SGCZ: variants seen among roughly 807,000 people sequenced by gnomAD.
The protein encoded by SGCZ is sarcoglycan zeta, also known as zeta-sarcoglycan.
Under a neutral mutation model 41.3 loss-of-function variants are expected in SGCZ, and 40 were observed. The observed-to-expected ratio is 0.97, with a 90% CI of 0.75 to 1.26. The LOEUF (loss-of-function observed/expected upper bound fraction) is 1.26. Among genes scored for constraint, SGCZ ranks in the 50% most tolerant of loss-of-function variants. The pLI is 0.00. For missense variants in SGCZ, 552 were observed against 369.8 expected (o/e 1.49, Z -4.04); for synonymous variants, 206 against 137.5 (o/e 1.50, Z -3.49).
chr8:14,168,389 T>C (rs1585196453), intron 4 of SGCZ, among the ~76,000 whole-genome samples: 1 of 152,112 alleles, frequency 6.6e-6, no homozygotes, highest in Admixed American at 6.6e-5. Context: ...TCATATTGAA[T>C]TGTAGCTCCC....
rs1806702442 is a variant in SGCZ at position 15,103,677 on chromosome 8, G to A, written c.39+133908C>T. On this transcript the variant is annotated intron_variant, in intron 1 of 7. Transcript: ENST00000382080. The stretch of plus-strand genomic sequence containing the variant: ...CATACTCAACAGAGTTGAAATTAAG[G>A]AAGAAGAATCACAAACAGGATCAAA... Among the ~76,000 whole-genome samples the A allele has an allele frequency of 2.0e-5, 3 of 152,006 alleles. No homozygotes were observed. The South Asian group carries it at 6.2e-4, about 32-fold the overall frequency.
intron 1 of SGCZ, among the ~76,000 whole-genome samples, chr8:15,194,025 T>C (rs541063641): frequency 6.6e-6 from 1 of 152,178 alleles, no homozygotes; most frequent in African/African-American, 2.4e-5. Flanking sequence ...AGAGTATATG[T>C]TTTCTGAGTT....
intron 1 of SGCZ, among the ~76,000 whole-genome samples, chr8:14,973,794 T>C (rs1801378055): frequency 6.6e-6 from 1 of 152,224 alleles, no homozygotes; most frequent in Admixed American, 6.5e-5. Flanking sequence ...TTTATTTGCC[T>C]GTGAATTCTG....
At chr8:14,821,736 G>A (rs1271602478) in intron 1 of SGCZ, among the ~76,000 whole-genome samples, 1 of 151,734 alleles carries the variant, frequency 6.6e-6, no homozygotes, top group African/African-American at 2.4e-5. Flanking sequence ...TTTAATAGAG[G>A]CAGAAAAAGC....
chr8:14,198,643 G>C (rs1224554813), intron 4 of SGCZ, among the ~76,000 whole-genome samples: 1 of 152,108 alleles, frequency 6.6e-6, no homozygotes, highest in Non-Finnish European at 1.5e-5. Context: ...AAATCTTAGT[G>C]AACCTAGTTG....
chr8:15,068,847 C>G (rs1386337495), intron 1 of SGCZ, among the ~76,000 whole-genome samples: 1 of 152,136 alleles, frequency 6.6e-6, no homozygotes, highest in African/African-American at 2.4e-5. Flanking sequence ...ACCACAGAGT[C>G]TAAATATTTG....
chr8:14,461,935 A>C (rs1193018900), intron 2 of SGCZ, among the ~76,000 whole-genome samples: 1 of 152,070 alleles, frequency 6.6e-6, no homozygotes, highest in Non-Finnish European at 1.5e-5. Flanking sequence ...GTTGTTATAT[A>C]ATGCTTCCAC....
chr8:14,165,217 T>C (rs1804171908), intron 4 of SGCZ: 1 of 152,276 alleles, frequency 6.6e-6, no homozygotes, highest in African/African-American at 2.4e-5. Context: ...TTCTACCCTT[T>C]AATATAAGTG....
intron 1 of SGCZ, among the ~76,000 whole-genome samples, chr8:15,224,643 C>T (rs983090243): frequency 6.6e-6 from 1 of 152,018 alleles, no homozygotes; most frequent in African/African-American, 2.4e-5. Context: ...AAAGCATTAT[C>T]CAAACGGATT....
intron 2 of SGCZ, among the ~76,000 whole-genome samples, chr8:14,516,722 C>T (rs554384277): frequency 2.0e-5 from 3 of 152,098 alleles, no homozygotes; most frequent in South Asian, 2.1e-4. Context: ...CGTTGACATG[C>T]GTCTTTCATC....
chr8:14,242,983 G>A (rs1162643978), intron 3 of SGCZ, among the ~76,000 whole-genome samples: 1 of 152,190 alleles, frequency 6.6e-6, no homozygotes, highest in Non-Finnish European at 1.5e-5. Context: ...AAAGCTTAAA[G>A]TGTAAGATAT....
chr8:14,490,024 C>T (rs571566338), intron 2 of SGCZ, among the ~76,000 whole-genome samples: 8 of 151,946 alleles, frequency 5.3e-5, no homozygotes, highest in Non-Finnish European at 1.0e-4. Flanking sequence ...CATGCCACCA[C>T]GCCCAGCTAA....
rs1200661589 is a variant in SGCZ at position 15,162,099 on chromosome 8, A to C, written c.39+75486T>G. Among the ~76,000 whole-genome samples the C allele has an allele frequency of 2.0e-5, 3 of 152,232 alleles. No individual in the cohort carries two copies. In the South Asian group the frequency reaches 6.2e-4, roughly 32 times the overall value. On this transcript the variant is annotated intron_variant, in intron 1 of 7. Transcript: ENST00000382080. The stretch of plus-strand genomic sequence containing the variant: ...CAGTTTCTTAAAGAATTTTAATCTT[A>C]CACTTGAACAAAGTTTGTATTGGAT...
At position 14,393,869 on chromosome 8, in the gene SGCZ, C is replaced by T. The variant is rs1425594175; in HGVS notation, c.235-69665G>A. Among the ~76,000 whole-genome samples the T allele has an allele frequency of 2.6e-5, 4 of 152,102 alleles. No individual in the cohort carries two copies. The South Asian group carries it at 8.3e-4, about 31-fold the overall frequency. On this transcript the variant is annotated intron_variant, in intron 2 of 7. Coordinates refer to ENST00000382080, the MANE Select transcript of SGCZ (RefSeq NM_139167.4). The stretch of plus-strand genomic sequence containing the variant: ...AATGAACTCTGAACATTCTACAAAG[C>T]GCAGCATCTTGGGAGAGAATTTTCT...
At chr8:14,873,281 A>T (rs190203836) in intron 1 of SGCZ, among the ~76,000 whole-genome samples, 1 of 152,290 alleles carries the variant, frequency 6.6e-6, no homozygotes, top group Admixed American at 6.5e-5. Flanking sequence ...AGGAAAGAGC[A>T]TAGATGAGTT....
intron 7 of SGCZ, among the ~76,000 whole-genome samples, chr8:14,099,334 C>T (rs1286235561): frequency 6.6e-6 from 1 of 152,208 alleles, no homozygotes; most frequent in Non-Finnish European, 1.5e-5. Flanking sequence ...TCAATCACAT[C>T]CCTGAGCTCT....
intron 1 of SGCZ, among the ~76,000 whole-genome samples, chr8:15,185,254 C>G (rs934942094): frequency 1.3e-5 from 2 of 152,286 alleles, no homozygotes; most frequent in Admixed American, 1.3e-4. Context: ...CTGAAAATTT[C>G]CACTGAAGAA....
At chr8:14,686,634 CT>C (rs1808620685) in intron 1 of SGCZ, among the ~76,000 whole-genome samples, 1 of 151,928 alleles carries the variant, frequency 6.6e-6, no homozygotes, top group African/African-American at 2.4e-5. Context: ...AGCAGGGGTA[CT>C]GGGGTGCAAT....
chr8:15,224,581 A>T (rs1241667455), intron 1 of SGCZ, among the ~76,000 whole-genome samples: 1 of 152,220 alleles, frequency 6.6e-6, no homozygotes, highest in Admixed American at 6.5e-5. Flanking sequence ...AATAAAACCC[A>T]ATATATTAGA....
Sources: allele counts gnomAD v4.1 joint callset (sites outside exome capture counted in the v4.1 genomes callset), GRCh38; gene constraint gnomAD v4.1.1; transcripts MANE v1.5; gene names NCBI Gene and HGNC (gene_info 2026-07-23, HGNC 2026-07-21).